PAH: variants seen among roughly 807,000 people sequenced by gnomAD.
The protein encoded by PAH is phenylalanine hydroxylase, also known as phenylalanine-4-hydroxylase.
PAH carries 64 observed loss-of-function variants against 62.0 expected under a neutral mutation model. The observed-to-expected ratio is 1.03, with a 90% CI of 0.84 to 1.27. PAH has a LOEUF of 1.27. Among genes scored for constraint, PAH ranks in the 50% most tolerant of loss-of-function variants. The pLI is 0.00. For synonymous variants in PAH, 195 were observed against 196.2 expected, an observed-to-expected ratio of 0.99 and a Z score of 0.05; for missense variants, 579 against 542.8, an observed-to-expected ratio of 1.07 and a Z score of -0.66.
intron 2 of PAH, among the ~76,000 whole-genome samples, chr12:102,908,641 C>T (rs887084269): frequency 2.3e-5 from 3 of 130,330 alleles, no homozygotes; most frequent in Non-Finnish European, 4.7e-5. Flanking sequence ...ATAACCTGGA[C>T]TCAGTGTCCC....
chr12:102,877,409 G>A (rs1876613289), intron 4 of PAH, 53 bp downstream of exon 4: 4 of 1,171,678 alleles, frequency 3.4e-6, no homozygotes, highest in Non-Finnish European at 5.2e-6. Flanking sequence ...AGGAAGGGAG[G>A]GGAGTGGAGG....
rs528078207 is a variant in PAH, at chr12:102,894,807, T to C, written c.280A>G (p.Ile94Val). 89 of 1,614,114 alleles carry C rather than the reference T, an allele frequency of 5.5e-5. No homozygotes were observed. The East Asian group carries it at 1.2e-3, about 21-fold the overall frequency. The change falls in exon 3 of 13, where the codon ATC becomes GTC. Residue 94 changes from isoleucine to valine, a missense_variant. Coordinates refer to ENST00000553106, the MANE Select transcript of PAH (RefSeq NM_000277.3). ...ATGTCATGCCTCAAGATCTTGATGA[T>C]GTTTGTCAGAGCAGGCAGGCTACGT... is the stretch of plus-strand genomic sequence containing the variant. ...DKRSLPALTNIIKILRHDIGA... is the reference protein window; with the variant it reads ...DKRSLPALTNVIKILRHDIGA...
At chr12:102,864,911 A>G (rs1373319399) in intron 5 of PAH, among the ~76,000 whole-genome samples, 1 of 152,122 alleles carries the variant, frequency 6.6e-6, no homozygotes, top group Non-Finnish European at 1.5e-5. Flanking sequence ...ATGAGATGAG[A>G]TAAAGTCAAG....
At chr12:102,851,607 G>T in intron 8 of PAH, 80 bp downstream of exon 8, 1 of 1,140,434 alleles carries the variant, frequency 8.8e-7, no homozygotes, top group Non-Finnish European at 1.3e-6. Context: ...AGGGCATGAG[G>T]ACCCCTCCCT....
At chr12:102,946,806 T>TG (rs1318027397) in intron 1 of PAH, 1 of 152,232 alleles carries the variant, frequency 6.6e-6, no homozygotes, top group Non-Finnish European at 1.5e-5. Flanking sequence ...GGTGTTCCTG[T>TG]GGGGAGAATG....
chr12:102,958,298 G>A, exon 1 of PAH: 8 of 1,475,812 alleles, frequency 5.4e-6, no homozygotes, highest in Non-Finnish European at 7.1e-6. Context: ...AGCCCCAGCC[G>A]CAGCCCCAGC....
At chr12:102,934,738 G>C (rs939885473) in intron 1 of PAH, among the ~76,000 whole-genome samples, 8 of 152,060 alleles carry the variant, frequency 5.3e-5, no homozygotes, top group Non-Finnish European at 1.0e-4. Context: ...CTGGCATATA[G>C]AAATGCTACT....
upstream of PAH, among the ~76,000 whole-genome samples, chr12:102,920,226 A>C (rs980691804): frequency 6.6e-6 from 1 of 152,236 alleles, no homozygotes; most frequent in African/African-American, 2.4e-5. Flanking sequence ...TTGTGCCATA[A>C]ACTTGCAGAT....
chr12:102,847,435 T>C, intron 8 of PAH: 1 of 181,916 alleles, frequency 5.5e-6, no homozygotes, highest in Non-Finnish European at 1.2e-5. Flanking sequence ...ACAGCTTCTG[T>C]TGCAGAATTC....
chr12:102,950,025 G>T (rs1023632973), intron 1 of PAH: 2 of 152,174 alleles, frequency 1.3e-5, no homozygotes, highest in African/African-American at 4.8e-5. Flanking sequence ...CATCTTAGAT[G>T]ATTAGCATAT....
intron 1 of PAH, among the ~76,000 whole-genome samples, chr12:102,927,282 T>TG (rs1333003353): frequency 3.2e-5 from 3 of 93,964 alleles, no homozygotes; most frequent in African/African-American, 1.6e-4. Context: ...TCAAAAAAGT[T>TG]TTTTTTTTTT....
intron 3 of PAH, among the ~76,000 whole-genome samples, chr12:102,882,999 A>G (rs1305538442): frequency 2.0e-5 from 3 of 152,092 alleles, no homozygotes; most frequent in African/African-American, 7.2e-5. Context: ...AGGAGGGAGG[A>G]GGAAAGAACA....
intron 1 of PAH, among the ~76,000 whole-genome samples, chr12:102,933,024 A>G (rs572082697): frequency 5.6e-4 from 85 of 152,326 alleles, no homozygotes; most frequent in African/African-American, 1.9e-3. Flanking sequence ...ACAAGAAATT[A>G]TCATTGACTA....
At chr12:102,909,053 C>T (rs1389912840) in intron 2 of PAH, among the ~76,000 whole-genome samples, 1 of 152,022 alleles carries the variant, frequency 6.6e-6, no homozygotes, top group Non-Finnish European at 1.5e-5. Flanking sequence ...GTCTTAAACT[C>T]CTGACCTCAG....
At chr12:102,881,550 A>T (rs1000018778) in intron 3 of PAH, among the ~76,000 whole-genome samples, 2 of 152,138 alleles carry the variant, frequency 1.3e-5, no homozygotes, top group Admixed American at 1.3e-4. Flanking sequence ...CATGCAGTAC[A>T]TTTGACCCCC....
chr12:102,894,516 C>T lies in PAH; in HGVS notation c.352+219G>A, dbSNP rs188169832. ...CTATATGTCTAAAATATACCAGGCA[C>T]TTGCCTAGGTCCCCAACCTATGTCC... On this transcript the variant is annotated intron_variant, in intron 3 of 12. Coordinates refer to ENST00000553106, the MANE Select transcript of PAH (RefSeq NM_000277.3). Among the ~76,000 whole-genome samples, 264 of 151,890 alleles carry T rather than the reference C, an allele frequency of 1.7e-3. 1 individual carries two copies. The highest frequency in any genetic ancestry group is 3.0e-3 in the Non-Finnish European group (202 of 67,968).
chr12:102,918,578 T>C (rs569524499), upstream of PAH, among the ~76,000 whole-genome samples: 8 of 152,042 alleles, frequency 5.3e-5, no homozygotes, highest in South Asian at 2.1e-4. Context: ...TTGTTTTTTT[T>C]TTTTGTTTTG....
At chr12:102,938,809 A>C (rs938502659) in intron 1 of PAH, among the ~76,000 whole-genome samples, 1 of 152,134 alleles carries the variant, frequency 6.6e-6, no homozygotes, top group East Asian at 1.9e-4. Flanking sequence ...AAGGAGCCAG[A>C]TTATTCTTGA....
intron 1 of PAH, among the ~76,000 whole-genome samples, chr12:102,947,870 A>T (rs1430621040): frequency 6.6e-6 from 1 of 152,168 alleles, no homozygotes; most frequent in Non-Finnish European, 1.5e-5. Context: ...GTGGACCCAG[A>T]CTACAGTTCC....
Sources: gnomAD v4.1 joint callset for allele counts (sites outside exome capture counted in the v4.1 genomes callset) on GRCh38, gnomAD v4.1.1 for gene constraint, MANE v1.5 for transcripts, NCBI Gene and HGNC (gene_info 2026-07-23, HGNC 2026-07-21) for gene names.